EML6: variants seen among roughly 807,000 people sequenced by gnomAD.
EML6 encodes the protein EMAP like 6.
In EML6, 154 loss-of-function variants were observed where a neutral mutation model predicts 240.1. That is an observed-to-expected ratio of 0.64 (90% confidence interval 0.56 to 0.73). The LOEUF (loss-of-function observed/expected upper bound fraction) is 0.73, where lower values mean the gene tolerates loss of function less well. Among genes scored for constraint, EML6 ranks in the 30% least tolerant of loss-of-function variants. The pLI is 0.00. For synonymous variants in EML6, 1,148 were observed against 899.0 expected (o/e 1.28, Z -4.95); for missense variants, 2,964 against 2,474.6 (o/e 1.20, Z -4.20).
intron 25 of EML6, among the ~76,000 whole-genome samples, chr2:54,912,396 C>T (rs1673689303): frequency 6.6e-6 from 1 of 152,084 alleles, no homozygotes; most frequent in African/African-American, 2.4e-5. Context: ...CTTTATACAC[C>T]TTTATTTTTA....
intron 28 of EML6, among the ~76,000 whole-genome samples, chr2:54,947,349 C>T (rs182434908): frequency 8.1e-4 from 123 of 152,228 alleles, no homozygotes; most frequent in Non-Finnish European, 5.7e-4. Flanking sequence ...TGATGTCAGC[C>T]GGGGGTGTCG....
chr2:54,884,477 G>A (rs1396590560), intron 17 of EML6, among the ~76,000 whole-genome samples: 1 of 152,130 alleles, frequency 6.6e-6, no homozygotes, highest in Non-Finnish European at 1.5e-5. Context: ...GTCAGGAATG[G>A]GGCTGCAAGT....
At chr2:54,845,561 C>T (rs1669707168) in intron 8 of EML6, among the ~76,000 whole-genome samples, 1 of 152,138 alleles carries the variant, frequency 6.6e-6, no homozygotes, top group Admixed American at 6.5e-5. Flanking sequence ...GTCATAATTT[C>T]TTGAGAAAGA....
intron 2 of EML6, among the ~76,000 whole-genome samples, chr2:54,793,909 G>C (rs1403295766): frequency 1.3e-5 from 2 of 152,128 alleles, no homozygotes; most frequent in African/African-American, 2.4e-5. Flanking sequence ...CTAGGAGACA[G>C]TTCTCCTTCT....
chr2:54,825,608 A>G (rs1053604902), intron 5 of EML6, among the ~76,000 whole-genome samples: 13 of 151,800 alleles, frequency 8.6e-5, no homozygotes, highest in African/African-American at 2.7e-4. Flanking sequence ...CATTAATAAT[A>G]CCCAAAGAAA....
rs1442303941 is a variant in EML6, at chr2:54,958,021, T to A, written c.4695+23T>A. On this transcript the variant is annotated intron_variant, in intron 33 of 41. Transcript: ENST00000356458. The stretch of plus-strand genomic sequence containing the variant: ...GCTGTGAGTTCTAGCAGATACTCCC[T>A]GAGAAGGGGACCCAGACCCCCTGGG... 4 of 1,534,958 alleles carry A rather than the reference T, an allele frequency of 2.6e-6. No individual in the cohort carries two copies. The African/African-American group carries it at 5.5e-5, about 21-fold the overall frequency.
chr2:54,850,288 C>T, intron 10 of EML6, 70 bp downstream of exon 10: 1 of 1,360,904 alleles, frequency 7.3e-7, no homozygotes, highest in South Asian at 1.4e-5. Flanking sequence ...AAATACAGGA[C>T]AAGTGTCATG....
At chr2:54,738,361 G>T (rs1683489003) in intron 2 of EML6, among the ~76,000 whole-genome samples, 1 of 152,216 alleles carries the variant, frequency 6.6e-6, no homozygotes, top group East Asian at 1.9e-4. Context: ...CCTTTGACAG[G>T]CTATGAAGCC....
chr2:54,903,606 A>C, intron 24 of EML6, 104 bp downstream of exon 24: 6 of 579,486 alleles, frequency 1.0e-5, no homozygotes, highest in Admixed American at 3.5e-5. Context: ...GAAATGGGAA[A>C]GGGGAATCCC....
At chr2:54,802,865 C>CT (rs1357037496) in intron 2 of EML6, among the ~76,000 whole-genome samples, 2 of 152,114 alleles carry the variant, frequency 1.3e-5, no homozygotes, top group Non-Finnish European at 2.9e-5. Flanking sequence ...CACATGGAAT[C>CT]TTAAAAAGGT....
intron 26 of EML6, among the ~76,000 whole-genome samples, chr2:54,925,616 C>T (rs1334227484): frequency 6.6e-6 from 1 of 152,124 alleles, no homozygotes; most frequent in Non-Finnish European, 1.5e-5. Context: ...TATTAATATT[C>T]AGTTTTATAG....
rs760726502 is a variant in EML6 at position 54,839,404 on chromosome 2, A to T, written c.848-4643A>T. Among the ~76,000 whole-genome samples the T allele has an allele frequency of 5.9e-5, 9 of 152,336 alleles. No individual in the cohort carries two copies. The South Asian group carries it at 1.0e-3, about 18-fold the overall frequency. On this transcript the variant is annotated intron_variant, in intron 7 of 41. Coordinates refer to ENST00000356458, the MANE Select transcript of EML6 (RefSeq NM_001039753.4). ...ATTGTATCTATTGCCTGGTGGACAG[A>T]CGCCATGAGATTGACTTGTCTGATG...
At chr2:54,849,861 G>A in intron 9 of EML6, 101 bp from the exon 10 acceptor site, 1 of 903,720 alleles carries the variant, frequency 1.1e-6, no homozygotes, top group South Asian at 1.8e-5. Flanking sequence ...TGCAGGTTTG[G>A]TTCTCTTTCA....
chr2:54,887,833 C>T (rs1473130956), intron 17 of EML6, among the ~76,000 whole-genome samples: 1 of 152,180 alleles, frequency 6.6e-6, no homozygotes, highest in Non-Finnish European at 1.5e-5. Context: ...CCTCCTGCCT[C>T]CTCATATGCA....
intron 15 of EML6, among the ~76,000 whole-genome samples, chr2:54,871,077 C>A (rs1464167740): frequency 6.6e-6 from 1 of 152,128 alleles, no homozygotes; most frequent in Non-Finnish European, 1.5e-5. Context: ...GCCAGGCCTT[C>A]TTCTGGTGGG....
intron 14 of EML6, 125 bp from the exon 15 acceptor site, chr2:54,869,056 A>T (rs1005393787): frequency 1.7e-6 from 1 of 597,302 alleles, no homozygotes; most frequent in East Asian, 2.8e-5. Flanking sequence ...TTGCTGTCCT[A>T]TGTGACACCT....
At chr2:54,855,941 C>T (rs1048466340) in intron 11 of EML6, among the ~76,000 whole-genome samples, 7 of 152,146 alleles carry the variant, frequency 4.6e-5, no homozygotes, top group Admixed American at 2.6e-4. Flanking sequence ...CTGTAAACAG[C>T]CAGATATGGG....
At chr2:54,868,222 A>G (rs937925755) in intron 14 of EML6, 1 of 152,048 alleles carries the variant, frequency 6.6e-6, no homozygotes, top group African/African-American at 2.4e-5. Flanking sequence ...GGATCATGTT[A>G]TTTTTCTGTT....
At chr2:54,740,745 T>C (rs1683594750) in intron 2 of EML6, among the ~76,000 whole-genome samples, 1 of 152,056 alleles carries the variant, frequency 6.6e-6, no homozygotes, top group African/African-American at 2.4e-5. Context: ...GAGATATTGT[T>C]ACAGATGTTG....
Sources: gnomAD v4.1 joint callset for allele counts (sites outside exome capture counted in the v4.1 genomes callset) on GRCh38, gnomAD v4.1.1 for gene constraint, MANE v1.5 for transcripts, NCBI Gene and HGNC (gene_info 2026-07-23, HGNC 2026-07-21) for gene names.